Variants in RASD2 observed in about 807,000 individuals in gnomAD.
The protein encoded by RASD2 is GTP-binding protein Rhes.
Under a neutral mutation model 15.8 loss-of-function variants are expected in RASD2, and 7 were observed. The ratio of observed to expected loss-of-function variants is 0.44; its 90% confidence interval spans 0.25 to 0.83. The LOEUF is 0.83. Among genes scored for constraint, RASD2 ranks in the 40% least tolerant of loss-of-function variants. RASD2 has a pLI of 0.20. For synonymous variants in RASD2, 155 were observed against 153.6 expected, an observed-to-expected ratio of 1.01 and a Z score of -0.07; for missense variants, 274 against 382.8, an observed-to-expected ratio of 0.72 and a Z score of 2.37.
intron 1 of RASD2, among the ~76,000 whole-genome samples, chr22:35,543,306 G>A (rs1237015906): frequency 6.6e-6 from 1 of 152,150 alleles, no homozygotes; most frequent in Non-Finnish European, 1.5e-5. Context: ...AGATACCTGT[G>A]CCGCTAGGGG....
In RASD2 at chr22:35,549,339, C is replaced by T. The variant is rs534998224; in HGVS notation, c.272-2164C>T. ...CTTGTTTTTTTTTCACACACCAACC[C>T]GTGCCTCATTTTCCAACCTGGTGGA... On this transcript the variant is annotated intron_variant, in intron 2 of 2. Coordinates refer to ENST00000216127, the MANE Select transcript of RASD2 (RefSeq NM_014310.4). Among the ~76,000 whole-genome samples the T allele has an allele frequency of 2.8e-3, 434 of 152,302 alleles. 2 individuals are homozygous for T. The highest frequency in any genetic ancestry group is 3.7e-3 in the African/African-American group (153 of 41,572).
At chr22:35,538,960 G>C (rs1411948064), upstream of RASD2, among the ~76,000 whole-genome samples, 2 of 152,202 alleles carry the variant, frequency 1.3e-5, no homozygotes, top group African/African-American at 4.8e-5. Flanking sequence ...GCACCAGGCT[G>C]CAATCCTGCC....
At chr22:35,532,981 AT>A in the RASD2 span, among the ~76,000 whole-genome samples, 15 of 152,210 alleles carry the variant, frequency 9.9e-5, no homozygotes, top group Admixed American at 1.3e-4. Flanking sequence ...AGCTCCATCA[AT>A]TATTGCTGAC....
At chr22:35,542,023 G>A (rs1284201102) in intron 1 of RASD2, among the ~76,000 whole-genome samples, 1 of 152,196 alleles carries the variant, frequency 6.6e-6, no homozygotes, top group Non-Finnish European at 1.5e-5. Context: ...CTTCCCAGGA[G>A]GGGTTTCCTG....
upstream of RASD2, among the ~76,000 whole-genome samples, chr22:35,537,172 T>C (rs1230050445): frequency 6.6e-6 from 1 of 152,216 alleles, no homozygotes; most frequent in Non-Finnish European, 1.5e-5. Flanking sequence ...GAACCTCAGT[T>C]TCCCCTTCTG....
At chr22:35,548,098 G>A (rs941635842) in intron 2 of RASD2, among the ~76,000 whole-genome samples, 1 of 152,170 alleles carries the variant, frequency 6.6e-6, no homozygotes, top group Non-Finnish European at 1.5e-5. Context: ...GAAGGGTGAG[G>A]AGGGACAGGG....
intron 1 of RASD2, among the ~76,000 whole-genome samples, chr22:35,544,353 C>A (rs1333281549): frequency 6.6e-6 from 1 of 152,080 alleles, no homozygotes; most frequent in Admixed American, 6.5e-5. Flanking sequence ...TGGCAGCCCC[C>A]TCTCCACCCT....
Position 35,551,765 on chromosome 22 carries a change from C to G in RASD2, c.534C>G (p.Asn178Lys), listed in dbSNP as rs774802862. The G allele has an allele frequency of 1.2e-6, 2 of 1,614,110 alleles. No homozygotes were observed. The highest frequency in any genetic ancestry group is 1.7e-6 in the Non-Finnish European group (2 of 1,180,022). Residue 178 changes from asparagine to lysine, a missense_variant, in exon 3 of 3, where the codon AAC becomes AAG. Physicochemically the swap from Asn to Lys is moderately conservative, Grantham distance 94. Transcript: ENST00000216127. The surrounding 1 kb of genome is among the most constrained non-coding windows in gnomAD (Gnocchi z 4.9). ...YFEVSAKKNT[N>K]VDEMFYVLFS... ...AGGTGTCGGCCAAGAAGAACACCAA[C>G]GTGGACGAGATGTTCTACGTGCTCT...
chr22:35,533,892 A>G, the RASD2 span, among the ~76,000 whole-genome samples: 1 of 151,396 alleles, frequency 6.6e-6, no homozygotes, highest in African/African-American at 2.4e-5. Context: ...GATGATGGTG[A>G]TGACGGGGAT....
At chr22:35,543,238 T>A (rs1041738948) in intron 1 of RASD2, among the ~76,000 whole-genome samples, 2 of 152,152 alleles carry the variant, frequency 1.3e-5, no homozygotes, top group African/African-American at 4.8e-5. Flanking sequence ...ACTTTCTGGC[T>A]TCCACCTGTC....
intron 1 of RASD2, among the ~76,000 whole-genome samples, chr22:35,545,024 G>T (rs926003348): frequency 6.6e-6 from 1 of 152,186 alleles, no homozygotes; most frequent in Non-Finnish European, 1.5e-5. Flanking sequence ...CCTGGGGTCC[G>T]CCGTGTGCTG....
Position 35,551,371 on chromosome 22 carries a change from A to G in RASD2, c.272-132A>G. 1 of 844,384 alleles carries G rather than the reference A, an allele frequency of 1.2e-6. No homozygotes were observed. The highest frequency in any genetic ancestry group is 1.9e-6 in the Non-Finnish European group (1 of 524,966). 52.3% of individuals were successfully genotyped at this position (844,384 alleles called of 1,614,324 possible). ...ACCCCGAAGAGTCGCTGTGTAGGTT[A>G]AAGCAGTTATGCCGCATAACTGCTT... is the stretch of plus-strand genomic sequence containing the variant. On this transcript the variant is annotated intron_variant, in intron 2 of 2. Transcript: ENST00000216127. The surrounding 1 kb of genome is among the most constrained non-coding windows in gnomAD (Gnocchi z 4.9).
intron 1 of RASD2, among the ~76,000 whole-genome samples, chr22:35,545,127 G>A (rs1934461949): frequency 6.6e-6 from 1 of 152,188 alleles, no homozygotes. Context: ...TTACGCCATG[G>A]AAATTGGCAA....
intron 1 of RASD2, among the ~76,000 whole-genome samples, chr22:35,546,112 A>C (rs1934496180): frequency 6.6e-6 from 1 of 152,080 alleles, no homozygotes; most frequent in Non-Finnish European, 1.5e-5. Context: ...GGAGGCAAAA[A>C]TATCCGGGCA....
chr22:35,547,214 C>T (rs1934530322), intron 2 of RASD2, 134 bp downstream of exon 2: 1 of 1,198,872 alleles, frequency 8.3e-7, no homozygotes, highest in Non-Finnish European at 1.2e-6. Context: ...CAATGAGGCT[C>T]AGAGAGGTTT....
At chr22:35,540,577 G>T (rs1934320060), upstream of RASD2, among the ~76,000 whole-genome samples, 1 of 151,816 alleles carries the variant, frequency 6.6e-6, no homozygotes, top group African/African-American at 2.4e-5. Flanking sequence ...GCGCGGGAGG[G>T]TGCCGCTGGG....
intron 2 of RASD2, among the ~76,000 whole-genome samples, chr22:35,550,913 A>G (rs900230563): frequency 6.6e-6 from 1 of 152,104 alleles, no homozygotes. Flanking sequence ...GTAGGCCCTC[A>G]CTCTCATCAT....
At chr22:35,545,957 C>T (rs1934490219) in intron 1 of RASD2, among the ~76,000 whole-genome samples, 1 of 151,994 alleles carries the variant, frequency 6.6e-6, no homozygotes, top group African/African-American at 2.4e-5. Context: ...TCAAGAGGCT[C>T]CCATAGAAAG....
chr22:35,548,425 TTGCAAGTGGGCC>T (rs1489954067), intron 2 of RASD2, among the ~76,000 whole-genome samples: 1 of 152,208 alleles, frequency 6.6e-6, no homozygotes, highest in Non-Finnish European at 1.5e-5. Flanking sequence ...GAGTCAGCAT[TTGCAAGTGGGCC>T]TGCTACGGGT....
Sources: allele counts gnomAD v4.1 joint callset (sites outside exome capture counted in the v4.1 genomes callset), GRCh38; gene constraint gnomAD v4.1.1; non-coding constraint Gnocchi (gnomAD v3.1); transcripts MANE v1.5; gene names NCBI Gene and HGNC (gene_info 2026-07-23, HGNC 2026-07-21).